The following LARGE1 variants were observed in gnomAD, a reference collection of about 807,000 sequenced individuals.
LARGE1 encodes the protein LARGE xylosyl- and glucuronyltransferase 1, also known as xylosyl- and glucuronyltransferase LARGE1.
In LARGE1, 43 loss-of-function variants were observed where a neutral mutation model predicts 87.6. The observed-to-expected ratio is 0.49, with a 90% CI of 0.38 to 0.63. LARGE1 has a LOEUF of 0.63. Ranked by LOEUF, LARGE1 falls within the 30% of genes least tolerant of loss-of-function variation. The pLI, the probability that LARGE1 is intolerant of heterozygous loss-of-function variation, is 0.00. For synonymous variants in LARGE1, 434 were observed against 394.6 expected, an observed-to-expected ratio of 1.10 and a Z score of -1.18; for missense variants, 802 against 1,000.2, an observed-to-expected ratio of 0.80 and a Z score of 2.67.
At chr22:33,719,591 G>A (rs1019549019) in intron 2 of LARGE1, among the ~76,000 whole-genome samples, 5 of 151,804 alleles carry the variant, frequency 3.3e-5, no homozygotes, top group South Asian at 2.1e-4. Flanking sequence ...CACAGTCTCG[G>A]CTCATTGCAA....
chr22:33,844,495 A>C (rs1485841135), intron 1 of LARGE1, among the ~76,000 whole-genome samples: 1 of 152,126 alleles, frequency 6.6e-6, no homozygotes, highest in Non-Finnish European at 1.5e-5. Context: ...ACTTAGGACG[A>C]TCAGGCAGCA....
chr22:33,142,979 G>A, the LARGE1 span, among the ~76,000 whole-genome samples: 2 of 152,162 alleles, frequency 1.3e-5, no homozygotes, highest in East Asian at 3.9e-4. Flanking sequence ...AGGAAAATCT[G>A]TAGTGTCCTA....
chr22:33,921,275 G>C (rs896304039), upstream of LARGE1, among the ~76,000 whole-genome samples: 1 of 152,172 alleles, frequency 6.6e-6, no homozygotes, highest in East Asian at 1.9e-4. The surrounding 1 kb of genome is among the most constrained non-coding windows in gnomAD (Gnocchi z 4.1). Flanking sequence ...TCCCGGGCCG[G>C]GTCGGGATGA....
chr22:33,876,660 C>T (rs1437012412), intron 1 of LARGE1, among the ~76,000 whole-genome samples: 9 of 122,596 alleles, frequency 7.3e-5, no homozygotes, highest in South Asian at 3.1e-4. Context: ...TGCGGGGGTG[C>T]GGGGCTAGGG....
chr22:33,110,272 T>A, the LARGE1 span: 2 of 152,170 alleles, frequency 1.3e-5, no homozygotes, highest in East Asian at 3.9e-4. Flanking sequence ...AGAAATCACA[T>A]CTCCATTTCC....
chr22:33,328,203 A>G (rs1205269173), intron 10 of LARGE1, among the ~76,000 whole-genome samples: 1 of 152,228 alleles, frequency 6.6e-6, no homozygotes, highest in African/African-American at 2.4e-5. Flanking sequence ...GAGACCACTC[A>G]ACTATGAATC....
At chr22:33,801,835 C>G (rs1054119194) in intron 1 of LARGE1, among the ~76,000 whole-genome samples, 1 of 152,138 alleles carries the variant, frequency 6.6e-6, no homozygotes, top group African/African-American at 2.4e-5. Context: ...CTAGTTTCCT[C>G]ATATGTAACA....
chr22:33,348,540 A>G (rs1292053909), intron 9 of LARGE1, among the ~76,000 whole-genome samples: 1 of 152,144 alleles, frequency 6.6e-6, no homozygotes, highest in Non-Finnish European at 1.5e-5. Context: ...GTGTGCCCTG[A>G]TATTTGGTGA....
At chr22:33,140,080 C>T in the LARGE1 span, among the ~76,000 whole-genome samples, 1 of 152,182 alleles carries the variant, frequency 6.6e-6, no homozygotes, top group African/African-American at 2.4e-5. Context: ...TTATTCTCAG[C>T]CTGCTGTGTC....
intron 2 of LARGE1, among the ~76,000 whole-genome samples, chr22:33,758,767 T>C (rs559728175): frequency 6.6e-6 from 1 of 152,324 alleles, no homozygotes; most frequent in East Asian, 1.9e-4. Context: ...CCAGATCAAC[T>C]TCTAATCTCT....
chr22:33,915,700 G>A (rs142160668), intron 1 of LARGE1, among the ~76,000 whole-genome samples: 9 of 152,216 alleles, frequency 5.9e-5, no homozygotes, highest in South Asian at 2.1e-4. Context: ...ATTTTATCTC[G>A]CAACCATTCT....
chr22:33,670,653 T>C (rs2081381884), intron 2 of LARGE1, among the ~76,000 whole-genome samples: 1 of 152,190 alleles, frequency 6.6e-6, no homozygotes, highest in Non-Finnish European at 1.5e-5. Context: ...CTAATTCCTT[T>C]GGTGGCTGTA....
intron 1 of LARGE1, among the ~76,000 whole-genome samples, chr22:33,841,002 T>C (rs751300971): frequency 2.6e-5 from 4 of 152,176 alleles, no homozygotes; most frequent in Non-Finnish European, 4.4e-5. Flanking sequence ...AACCATTCTG[T>C]TTTTCATTTT....
At chr22:33,672,847 C>T (rs560031665) in intron 2 of LARGE1, among the ~76,000 whole-genome samples, 9 of 152,316 alleles carry the variant, frequency 5.9e-5, no homozygotes, top group African/African-American at 1.9e-4. Flanking sequence ...GTGCTGAAGA[C>T]AGTTGGTGAA....
chr22:33,127,830 C>T, the LARGE1 span, among the ~76,000 whole-genome samples: 21 of 152,184 alleles, frequency 1.4e-4, no homozygotes, highest in African/African-American at 4.8e-4. Flanking sequence ...AAATGAATTT[C>T]CTAGAGTCAT....
At position 33,418,814 on chromosome 22, in the gene LARGE1, T is replaced by G. The variant is rs151092110; in HGVS notation, c.892+13347A>C. Among the ~76,000 whole-genome samples the G allele has an allele frequency of 9.5e-3, 1,447 of 152,248 alleles. 30 individuals carry two copies. The highest frequency in any genetic ancestry group is 0.033 in the African/African-American group (1,376 of 41,558). ...ATCCTATGAGGCTGAATTTTGCCAT[T>G]ATTCACTCTGTGCTAGTGGTGATCT... On this transcript the variant is annotated intron_variant, in intron 7 of 14. Coordinates refer to ENST00000397394, the MANE Select transcript of LARGE1 (RefSeq NM_133642.5).
chr22:33,745,548 T>C (rs1241483910), intron 2 of LARGE1, among the ~76,000 whole-genome samples: 2 of 152,112 alleles, frequency 1.3e-5, no homozygotes, highest in Non-Finnish European at 2.9e-5. Context: ...CAAGAACCAA[T>C]CTGCCCCCAA....
At chr22:33,727,181 T>G (rs113919560) in intron 2 of LARGE1, among the ~76,000 whole-genome samples, 2,979 of 152,260 alleles carry the variant, frequency 0.02, 88 homozygotes, top group African/African-American at 0.069. Context: ...TTTCTATTTC[T>G]TATGACAATA....
intron 3 of LARGE1, among the ~76,000 whole-genome samples, chr22:33,635,124 A>AG (rs1332717070): frequency 6.6e-6 from 1 of 151,820 alleles, no homozygotes; most frequent in African/African-American, 2.4e-5. Flanking sequence ...TCTCCAAAAA[A>AG]AAAAAAAGAA....
Sources: allele counts gnomAD v4.1 joint callset (sites outside exome capture counted in the v4.1 genomes callset), GRCh38; gene constraint gnomAD v4.1.1; non-coding constraint Gnocchi (gnomAD v3.1); transcripts MANE v1.5; gene names NCBI Gene and HGNC (gene_info 2026-07-23, HGNC 2026-07-21).